Variants in ATOH8 observed in about 807,000 individuals in gnomAD.
The protein encoded by ATOH8 is atonal bHLH transcription factor 8.
In ATOH8, 9 loss-of-function variants were observed where a neutral mutation model predicts 21.2. That is an observed-to-expected ratio of 0.42 (90% CI 0.26 to 0.74). ATOH8 has a LOEUF of 0.74. Among genes scored for constraint, ATOH8 ranks in the 30% least tolerant of loss-of-function variants. ATOH8 has a pLI of 0.24. For missense variants in ATOH8, 524 were observed against 470.9 expected, an observed-to-expected ratio of 1.11 and a Z score of -1.04; for synonymous variants, 253 against 224.0, an observed-to-expected ratio of 1.13 and a Z score of -1.16.
At chr2:85,782,381 AT>A (rs1680518218) in intron 2 of ATOH8, among the ~76,000 whole-genome samples, 2 of 152,188 alleles carry the variant, frequency 1.3e-5, no homozygotes, top group Admixed American at 6.5e-5. Flanking sequence ...AGATAAAATC[AT>A]TTTTTTAAAT....
At position 85,772,924 on chromosome 2, in the gene ATOH8, G is replaced by A. The variant is rs562237348; in HGVS notation, c.960+8742G>A. 2.0e-4 allele frequency: 81 copies of A among 415,184 alleles called. 1 individual carries two copies. Among genetic ancestry groups the A allele is most frequent in the South Asian group, 8.2e-4 (47 of 57,136 alleles). 25.7% of individuals were successfully genotyped at this position (415,184 alleles called of 1,614,324 possible). ...ACCTCATTAGTGCTCCTGACACTGC[G>A]GAACTTTTCTTTCTCAAGGCTGTTG... is the stretch of plus-strand genomic sequence containing the variant. On this transcript the variant is annotated intron_variant, in intron 2 of 2. Transcript: ENST00000306279.
At chr2:85,774,704 G>C (rs1680277815) in intron 2 of ATOH8, 1 of 985,350 alleles carries the variant, frequency 1.0e-6, no homozygotes, top group Non-Finnish European at 1.2e-6. Flanking sequence ...ACAGGCCAAG[G>C]GATGAGGCCA....
intron 2 of ATOH8, among the ~76,000 whole-genome samples, chr2:85,776,645 A>G (rs1172779285): frequency 6.6e-6 from 1 of 152,192 alleles, no homozygotes; most frequent in Admixed American, 6.5e-5. Flanking sequence ...CCGATTTCCC[A>G]TGCACATGGG....
intron 2 of ATOH8, among the ~76,000 whole-genome samples, chr2:85,786,340 C>T (rs185257828): frequency 3.0e-4 from 45 of 152,328 alleles, no homozygotes; most frequent in Non-Finnish European, 4.4e-5. Context: ...TCGATCTGCT[C>T]CAGCCACGCC....
At chr2:85,778,549 G>A (rs1015211256) in intron 2 of ATOH8, among the ~76,000 whole-genome samples, 6 of 152,280 alleles carry the variant, frequency 3.9e-5, no homozygotes, top group Non-Finnish European at 5.9e-5. Context: ...TCCAAGCCAC[G>A]GGTGCCCCAG....
Position 85,786,902 on chromosome 2 carries a change from C to T in ATOH8, c.*12C>T. 1 of 1,614,136 alleles carries T rather than the reference C, an allele frequency of 6.2e-7. No individual in the cohort carries two copies. Among genetic ancestry groups the T allele is most frequent in the Non-Finnish European group, 8.5e-7 (1 of 1,180,006 alleles). On this transcript the variant is annotated 3_prime_UTR_variant, in exon 3 of 3. Coordinates refer to ENST00000306279, the MANE Select transcript of ATOH8 (RefSeq NM_032827.7). Reference sequence around the variant, plus strand: ...TCTTTCAGGAGTGACTGGCTGCAGGCAAGACCAAGGCCACCACTGTGGGCC... The same window carrying T: ...TCTTTCAGGAGTGACTGGCTGCAGGTAAGACCAAGGCCACCACTGTGGGCC...
chr2:85,785,462 G>A lies in ATOH8; in HGVS notation c.961-1423G>A, dbSNP rs1306485955. On this transcript the variant is annotated intron_variant, in intron 2 of 2. Transcript: ENST00000306279. This position sits in a 1 kb window ranked among gnomAD's most constrained non-coding sequence, Gnocchi z 4.1. ...CTCCCTCCTGAGCCACTATTAGCTG[G>A]AGAGCACTCCCTCCCTCTGGCCCGG... Among the ~76,000 whole-genome samples the A allele has an allele frequency of 6.6e-6, 1 of 152,202 alleles. No individual in the cohort carries two copies. Among genetic ancestry groups the A allele is most frequent in the Non-Finnish European group, 1.5e-5 (1 of 68,034 alleles).
In ATOH8 at chr2:85,772,975, A is replaced by G. The variant is rs919954369; in HGVS notation, c.960+8793A>G. On this transcript the variant is annotated intron_variant, in intron 2 of 2. Coordinates refer to ENST00000306279, the MANE Select transcript of ATOH8 (RefSeq NM_032827.7). ...TCACTGGGGATGGTTGAAAGTGACTATTTTCCTAAGAAAACAGCTGGAGGG... is the reference window on the plus strand; with the variant it reads ...TCACTGGGGATGGTTGAAAGTGACTGTTTTCCTAAGAAAACAGCTGGAGGG... 2.0e-4 allele frequency: 73 copies of G among 374,094 alleles called. 3 individuals are homozygous for G. The highest frequency in any genetic ancestry group is 1.3e-3 in the South Asian group (62 of 48,706). 23.2% of individuals were successfully genotyped at this position (374,094 alleles called of 1,614,324 possible).
chr2:85,772,618 A>T (rs1282797659), intron 2 of ATOH8: 1 of 430,172 alleles, frequency 2.3e-6, no homozygotes, highest in East Asian at 7.0e-5. Context: ...ACCCTTTCAG[A>T]GCCTCATCAT....
chr2:85,779,657 G>A (rs1680430234), intron 2 of ATOH8, among the ~76,000 whole-genome samples: 1 of 152,236 alleles, frequency 6.6e-6, no homozygotes, highest in Non-Finnish European at 1.5e-5. Flanking sequence ...GGAAACTGAG[G>A]TCTGTAGGGG....
intron 2 of ATOH8, chr2:85,772,526 C>T: frequency 2.8e-6 from 1 of 352,000 alleles, no homozygotes; most frequent in Non-Finnish European, 5.5e-6. Context: ...CCCAAGCACT[C>T]AGTCACCACA....
chr2:85,776,333 C>G (rs1340459052), intron 2 of ATOH8, among the ~76,000 whole-genome samples: 2 of 152,222 alleles, frequency 1.3e-5, no homozygotes, highest in Non-Finnish European at 2.9e-5. Flanking sequence ...TCAGGAGCTC[C>G]GTAACCTCAG....
chr2:85,790,084 A>T lies in ATOH8; in HGVS notation c.*3194A>T, dbSNP rs1201347443. On this transcript the variant is annotated 3_prime_UTR_variant, in exon 3 of 3. Coordinates refer to ENST00000306279, the MANE Select transcript of ATOH8 (RefSeq NM_032827.7). ...CAAGCAGCCATTCAAGGAGACCCTC[A>T]GCAAAATATAAATGACGAGGAGCTG... 6.6e-6 allele frequency among the ~76,000 whole-genome samples: 1 copy of T among 152,230 alleles called. No individual in the cohort carries two copies. Among genetic ancestry groups the T allele is most frequent in the East Asian group, 1.9e-4 (1 of 5,194 alleles).
chr2:85,756,853 A>G (rs1320611679), intron 1 of ATOH8, among the ~76,000 whole-genome samples: 1 of 152,120 alleles, frequency 6.6e-6, no homozygotes, highest in Non-Finnish European at 1.5e-5. Flanking sequence ...CCAGCCTGTG[A>G]TGTTTGTTAA....
chr2:85,764,485 G>T (rs1435589572), intron 2 of ATOH8, among the ~76,000 whole-genome samples: 1 of 152,200 alleles, frequency 6.6e-6, no homozygotes, highest in Non-Finnish European at 1.5e-5. Context: ...CCTGGCCTTA[G>T]GTGCTCTGGT....
chr2:85,771,496 C>T (rs1259040213), intron 2 of ATOH8, among the ~76,000 whole-genome samples: 1 of 152,136 alleles, frequency 6.6e-6, no homozygotes, highest in Non-Finnish European at 1.5e-5. Context: ...AGGGCAGTGC[C>T]AGGGTGGATG....
At chr2:85,770,653 G>T (rs1188243992) in intron 2 of ATOH8, among the ~76,000 whole-genome samples, 1 of 152,198 alleles carries the variant, frequency 6.6e-6, no homozygotes, top group Admixed American at 6.5e-5. Flanking sequence ...TCATTGGCTG[G>T]GGAGCCTCCC....
At chr2:85,761,349 G>A in intron 1 of ATOH8, among the ~76,000 whole-genome samples, 1 of 152,162 alleles carries the variant, frequency 6.6e-6, no homozygotes, top group African/African-American at 2.4e-5. Flanking sequence ...CCTGTAAATA[G>A]CTACCACAGT....
In ATOH8 at chr2:85,766,665, G is replaced by A. The variant is rs1056260059; in HGVS notation, c.960+2483G>A. Among the ~76,000 whole-genome samples the A allele has an allele frequency of 2.0e-5, 3 of 152,194 alleles. No homozygotes were observed. Among genetic ancestry groups the A allele is most frequent in the East Asian group, 1.9e-4 (1 of 5,186 alleles). On this transcript the variant is annotated intron_variant, in intron 2 of 2. Coordinates refer to ENST00000306279, the MANE Select transcript of ATOH8 (RefSeq NM_032827.7). This position sits in a 1 kb window ranked among gnomAD's most constrained non-coding sequence, Gnocchi z 4.0. The stretch of plus-strand genomic sequence containing the variant: ...GCCTTTGCAAGTGTGGGCATCTCAA[G>A]CAGCCAGATTCCTTTCCAGCTCAGG...
Sources: gnomAD v4.1 joint callset for allele counts (sites outside exome capture counted in the v4.1 genomes callset) on GRCh38, gnomAD v4.1.1 for gene constraint, Gnocchi (gnomAD v3.1) non-coding constraint, MANE v1.5 for transcripts, NCBI Gene and HGNC (gene_info 2026-07-23, HGNC 2026-07-21) for gene names.